The following SLC16A7 variants were observed in gnomAD, a reference collection of about 807,000 sequenced individuals.
The protein encoded by SLC16A7 is monocarboxylate transporter 2.
SLC16A7 carries 33 observed loss-of-function variants against 34.9 expected under a neutral mutation model. The observed-to-expected ratio is 0.94, with a 90% CI of 0.72 to 1.26. The LOEUF (loss-of-function observed/expected upper bound fraction) is 1.26. SLC16A7 is among the 50% of genes most tolerant of loss of function. SLC16A7 has a pLI of 0.00. For missense variants in SLC16A7, 573 were observed against 578.1 expected (o/e 0.99, Z 0.09); for synonymous variants, 201 against 206.6 (o/e 0.97, Z 0.23).
chr12:59,754,766 C>A (rs868452186), intron 3 of SLC16A7, among the ~76,000 whole-genome samples: 1 of 152,194 alleles, frequency 6.6e-6, no homozygotes, highest in East Asian at 1.9e-4. Flanking sequence ...ATGAGGCCAG[C>A]ATCATCCTGA....
At chr12:59,739,200 C>A (rs866211199) in intron 3 of SLC16A7, among the ~76,000 whole-genome samples, 1 of 108,050 alleles carries the variant, frequency 9.3e-6, no homozygotes, top group Non-Finnish European at 1.8e-5. Context: ...CCCCTCCCCC[C>A]ACCCCACAAC....
chr12:59,665,805 AAC>A (rs1239590694), intron 2 of SLC16A7, among the ~76,000 whole-genome samples: 2 of 140,386 alleles, frequency 1.4e-5, no homozygotes, highest in Non-Finnish European at 3.0e-5. Context: ...TTATATATAT[AAC>A]ACGTGTGTGT....
chr12:59,759,375 A>G (rs1880765737), intron 3 of SLC16A7, among the ~76,000 whole-genome samples: 1 of 151,944 alleles, frequency 6.6e-6, no homozygotes, highest in South Asian at 2.1e-4. Flanking sequence ...GATTTACTTC[A>G]TATTTATGGG....
chr12:59,747,118 C>T lies in SLC16A7; in HGVS notation c.218-24101C>T, dbSNP rs374229921. ...AAGAGCTGGAATTACAAGTGTGAGC[C>T]AGTGCACCTGGCCTATTGTGTTCTA... On this transcript the variant is annotated intron_variant, in intron 3 of 5. Transcript: ENST00000547379. 1.3e-3 allele frequency among the ~76,000 whole-genome samples: 191 copies of T among 152,310 alleles called. 3 individuals are homozygous for T. The South Asian group carries it at 0.02, about 16-fold the overall frequency.
At position 59,774,932 on chromosome 12, in the gene SLC16A7, A is replaced by C; in HGVS notation, c.637A>C (p.Lys213Gln). ...TTCTAAGTCTAAAAATAAGACTGGC[A>C]AAACAGAAGATGATTCAAGCCCAAA... ...TTSKSKNKTG[K>Q]TEDDSSPKKI... The change falls in exon 5 of 6, where the codon AAA (lysine) becomes CAA (glutamine). Residue 213 changes from lysine (K) to glutamine (Q), a missense_variant. Physicochemically the swap from Lys to Gln is moderately conservative, Grantham distance 53. Transcript: ENST00000547379. 1 of 1,613,992 alleles carries C rather than the reference A, an allele frequency of 6.2e-7. No individual in the cohort carries two copies. Among genetic ancestry groups the C allele is most frequent in the Non-Finnish European group, 8.5e-7 (1 of 1,179,958 alleles).
At chr12:59,603,764 G>T (rs1010583511) in intron 1 of SLC16A7, among the ~76,000 whole-genome samples, 7 of 152,076 alleles carry the variant, frequency 4.6e-5, no homozygotes, top group Non-Finnish European at 2.9e-5. Context: ...GCATTTTGGT[G>T]GATTATAGAG....
chr12:59,779,356 A>T, intron 5 of SLC16A7, 67 bp from the exon 6 acceptor site: 1 of 1,199,140 alleles, frequency 8.3e-7, no homozygotes, highest in Non-Finnish European at 1.2e-6. Flanking sequence ...AGAATAATTT[A>T]TTTGAATTTT....
At chr12:59,670,319 A>G (rs952098789) in intron 2 of SLC16A7, among the ~76,000 whole-genome samples, 1 of 152,126 alleles carries the variant, frequency 6.6e-6, no homozygotes, top group Admixed American at 6.6e-5. Context: ...CCTTATTTAC[A>G]AATAAGGTCA....
rs556666180 is a variant in SLC16A7 at position 59,700,099 on chromosome 12, G to A, written c.-30-4673G>A. The stretch of plus-strand genomic sequence containing the variant: ...CCAGACATGAGTTACAGCGCTATTC[G>A]CTGTAAGTTCAATGTCAGTGAATCA... On this transcript the variant is annotated intron_variant, in intron 2 of 5. Coordinates refer to ENST00000547379, the MANE Select transcript of SLC16A7 (RefSeq NM_001270623.2). 5.3e-5 allele frequency among the ~76,000 whole-genome samples: 8 copies of A among 151,838 alleles called. No homozygotes were observed. The East Asian group carries it at 9.6e-4, about 18-fold the overall frequency.
At chr12:59,632,220 C>A (rs1012188785) in intron 1 of SLC16A7, among the ~76,000 whole-genome samples, 3 of 151,880 alleles carry the variant, frequency 2.0e-5, no homozygotes, top group African/African-American at 7.3e-5. Context: ...GAAGATTAAA[C>A]TTAAATGCTA....
chr12:59,724,207 A>G (rs1383951624), intron 3 of SLC16A7, among the ~76,000 whole-genome samples: 1 of 152,052 alleles, frequency 6.6e-6, no homozygotes, highest in Non-Finnish European at 1.5e-5. Flanking sequence ...TGTGTGTCTC[A>G]TTCTACTGCT....
At chr12:59,757,086 T>C (rs2137367558) in intron 3 of SLC16A7, among the ~76,000 whole-genome samples, 1 of 124,034 alleles carries the variant, frequency 8.1e-6, no homozygotes, top group South Asian at 2.6e-4. Flanking sequence ...AAGGGGAACA[T>C]CACACTCTGG....
intron 3 of SLC16A7, among the ~76,000 whole-genome samples, chr12:59,709,920 A>G (rs569079282): frequency 1.3e-5 from 2 of 151,684 alleles, no homozygotes; most frequent in Non-Finnish European, 2.9e-5. Flanking sequence ...GTCCCTCTGG[A>G]CACCTCCTGG....
At chr12:59,610,440 A>G (rs1049690584) in intron 1 of SLC16A7, among the ~76,000 whole-genome samples, 2 of 152,250 alleles carry the variant, frequency 1.3e-5, no homozygotes, top group Non-Finnish European at 2.9e-5. Flanking sequence ...TTATTGAATT[A>G]GGGTTACATT....
At chr12:59,636,359 A>G (rs1880425214) in intron 1 of SLC16A7, among the ~76,000 whole-genome samples, 1 of 152,178 alleles carries the variant, frequency 6.6e-6, no homozygotes, top group South Asian at 2.1e-4. Flanking sequence ...AATGTATGGA[A>G]CAAAAGTATT....
At chr12:59,776,926 CCTT>C (rs1282538292) in intron 5 of SLC16A7, among the ~76,000 whole-genome samples, 4 of 152,008 alleles carry the variant, frequency 2.6e-5, no homozygotes, top group Admixed American at 6.6e-5. Flanking sequence ...CACAATTGGT[CCTT>C]CTTTTCATAC....
At position 59,671,658 on chromosome 12, in the gene SLC16A7, T is replaced by TTC. The variant is rs34073980; in HGVS notation, c.-31+16428_-31+16429dup. Among the ~76,000 whole-genome samples, 141 of 139,596 alleles carry TTC rather than the reference T, an allele frequency of 1.0e-3. 2 individuals are homozygous for TTC. The highest frequency in any genetic ancestry group is 1.8e-3 in the South Asian group (8 of 4,444). 91.6% of individuals were successfully genotyped at this position (139,596 alleles called of 152,430 possible). A position where few individuals can be genotyped will look rare whatever the true frequency, so the allele number is the denominator to read the frequency against. On this transcript the variant is annotated intron_variant, in intron 2 of 5. Transcript: ENST00000547379. Reference sequence around the variant, plus strand: ...TGTGTCCCTTTGACTACAGTGCTCTTTCTCTCTCTCTCTCTCTCTCTATAT... The same window carrying TTC: ...TGTGTCCCTTTGACTACAGTGCTCTTTCTCTCTCTCTCTCTCTCTCTCTATAT...
chr12:59,679,306 A>G (rs1216615085), intron 2 of SLC16A7, among the ~76,000 whole-genome samples: 1 of 152,088 alleles, frequency 6.6e-6, no homozygotes, highest in African/African-American at 2.4e-5. Flanking sequence ...ACTTCCGCCT[A>G]TTCCCGGCTA....
At chr12:59,602,479 CTTTTTTTT>C (rs34035713) in intron 1 of SLC16A7, among the ~76,000 whole-genome samples, 1 of 80,280 alleles carries the variant, frequency 1.2e-5, no homozygotes, top group Non-Finnish European at 2.3e-5. Context: ...GTGTTTTGGG[CTTTTTTTT>C]TTTTTTTTTT....
Sources: allele counts gnomAD v4.1 joint callset (sites outside exome capture counted in the v4.1 genomes callset), GRCh38; gene constraint gnomAD v4.1.1; transcripts MANE v1.5; gene names NCBI Gene and HGNC (gene_info 2026-07-23, HGNC 2026-07-21).